Variants in EXOC4 observed in about 807,000 individuals in gnomAD.
EXOC4 encodes exocyst complex component 4.
A neutral mutation model predicts 107.2 loss-of-function variants in EXOC4; 71 were observed. The observed-to-expected ratio is 0.66, with a 90% CI of 0.55 to 0.81. The LOEUF (loss-of-function observed/expected upper bound fraction) is 0.81, where lower values mean the gene tolerates loss of function less well. EXOC4 is among the 30% of genes least tolerant of loss of function. The pLI is 0.00. For synonymous variants in EXOC4, 456 were observed against 441.2 expected (o/e 1.03, Z -0.42); for missense variants, 1,108 against 1,189.6 (o/e 0.93, Z 1.01).
intron 11 of EXOC4, among the ~76,000 whole-genome samples, chr7:133,835,837 A>G (rs944540668): frequency 2.6e-5 from 4 of 152,200 alleles, no homozygotes; most frequent in Non-Finnish European, 4.4e-5. Context: ...AATGGAAGCT[A>G]TCTTTACTCT....
chr7:133,626,846 A>T (rs2151011851), intron 9 of EXOC4, among the ~76,000 whole-genome samples: 1 of 152,270 alleles, frequency 6.6e-6, no homozygotes, highest in Non-Finnish European at 1.5e-5. Context: ...ACAAACGTTT[A>T]TTAAGCACAC....
intron 10 of EXOC4, among the ~76,000 whole-genome samples, chr7:133,782,669 C>G (rs1796492198): frequency 6.6e-6 from 1 of 152,156 alleles, no homozygotes; most frequent in Non-Finnish European, 1.5e-5. Context: ...TCCCCTGAAA[C>G]ACATCCTTTT....
chr7:134,012,960 G>C (rs1244545893), intron 17 of EXOC4, among the ~76,000 whole-genome samples: 1 of 152,202 alleles, frequency 6.6e-6, no homozygotes, highest in African/African-American at 2.4e-5. Flanking sequence ...TCAAGACAGA[G>C]AACTGGCTAC....
rs112173207 is a variant in EXOC4, at chr7:133,602,286, G to T, written c.1418-27759G>T. 9.6e-4 allele frequency among the ~76,000 whole-genome samples: 146 copies of T among 152,284 alleles called. 1 individual carries two copies. The highest frequency in any genetic ancestry group is 3.3e-3 in the African/African-American group (137 of 41,558). Reference sequence around the variant, plus strand: ...TGCAGGTAGTTCTTGTACTGGCAATGGCTTTGATTAAGCAGTGTAGTAGGG... The same window carrying T: ...TGCAGGTAGTTCTTGTACTGGCAATTGCTTTGATTAAGCAGTGTAGTAGGG... On this transcript the variant is annotated intron_variant, in intron 9 of 17. Transcript: ENST00000253861.
At chr7:133,867,605 C>A (rs937438669) in intron 11 of EXOC4, among the ~76,000 whole-genome samples, 1 of 152,184 alleles carries the variant, frequency 6.6e-6, no homozygotes, top group Non-Finnish European at 1.5e-5. Context: ...TCTCCCCACC[C>A]CCAACCCCGT....
chr7:133,653,956 A>G (rs1803225157), intron 10 of EXOC4, among the ~76,000 whole-genome samples: 1 of 152,206 alleles, frequency 6.6e-6, no homozygotes, highest in African/African-American at 2.4e-5. Flanking sequence ...AAGTCTAACT[A>G]CAATTAAGAA....
chr7:133,487,663 C>T (rs1013859206), intron 9 of EXOC4, among the ~76,000 whole-genome samples: 1 of 152,050 alleles, frequency 6.6e-6, no homozygotes, highest in African/African-American at 2.4e-5. Context: ...GAGTCAAGAT[C>T]GTACCACTGT....
intron 17 of EXOC4, among the ~76,000 whole-genome samples, chr7:134,018,054 C>T (rs1396706753): frequency 3.3e-5 from 5 of 152,136 alleles, no homozygotes; most frequent in African/African-American, 7.2e-5. Context: ...AATCTGTCAT[C>T]GAATCCTGCT....
At chr7:133,557,994 C>A (rs1458091006) in intron 9 of EXOC4, among the ~76,000 whole-genome samples, 1 of 151,876 alleles carries the variant, frequency 6.6e-6, no homozygotes, top group African/African-American at 2.4e-5. Flanking sequence ...TTCTCAAAAA[C>A]AAAAACAAAA....
At chr7:133,421,926 C>G (rs931284543) in intron 7 of EXOC4, among the ~76,000 whole-genome samples, 3 of 152,076 alleles carry the variant, frequency 2.0e-5, no homozygotes, top group Non-Finnish European at 4.4e-5. Flanking sequence ...TGCCCTGAAG[C>G]AATTTTTTAA....
At chr7:133,920,896 C>T (rs1799922340) in intron 13 of EXOC4, among the ~76,000 whole-genome samples, 1 of 152,082 alleles carries the variant, frequency 6.6e-6, no homozygotes, top group African/African-American at 2.4e-5. Context: ...TTTATTTTTT[C>T]TTCACTTAAA....
intron 13 of EXOC4, among the ~76,000 whole-genome samples, chr7:133,935,540 G>A (rs1800280138): frequency 6.6e-6 from 1 of 152,136 alleles, no homozygotes; most frequent in Non-Finnish European, 1.5e-5. Flanking sequence ...AGACGCTGTG[G>A]TTGGTATTTG....
intron 17 of EXOC4, among the ~76,000 whole-genome samples, chr7:134,037,204 CAG>C (rs1335179906): frequency 1.3e-5 from 2 of 152,102 alleles, no homozygotes; most frequent in Non-Finnish European, 2.9e-5. Context: ...TACAAGATAT[CAG>C]TGGTTTTGAC....
intron 7 of EXOC4, among the ~76,000 whole-genome samples, chr7:133,410,420 T>A (rs1797331136): frequency 6.6e-6 from 1 of 152,252 alleles, no homozygotes; most frequent in Non-Finnish European, 1.5e-5. Context: ...CTCTGCTGCG[T>A]GCATTCACAT....
At chr7:133,460,164 T>C (rs978530492) in intron 7 of EXOC4, among the ~76,000 whole-genome samples, 5 of 152,194 alleles carry the variant, frequency 3.3e-5, no homozygotes, top group Non-Finnish European at 7.4e-5. Context: ...TCATCAGATA[T>C]TAGTTAGATT....
intron 11 of EXOC4, among the ~76,000 whole-genome samples, chr7:133,831,096 C>G (rs1797800786): frequency 6.6e-6 from 1 of 152,174 alleles, no homozygotes; most frequent in Non-Finnish European, 1.5e-5. Flanking sequence ...TCCTGAGTAG[C>G]TGGGATTACA....
chr7:133,510,788 C>A (rs545205395), intron 9 of EXOC4, among the ~76,000 whole-genome samples: 4 of 152,298 alleles, frequency 2.6e-5, no homozygotes, highest in African/African-American at 9.6e-5. Flanking sequence ...TATTCATTCA[C>A]TAAGGACAGA....
intron 9 of EXOC4, among the ~76,000 whole-genome samples, chr7:133,601,607 T>C (rs545284867): frequency 3.2e-4 from 49 of 152,272 alleles, no homozygotes; most frequent in Non-Finnish European, 6.5e-4. Context: ...CCTACTTCTT[T>C]CATAGTTGGA....
chr7:133,881,826 A>G (rs17167330), intron 11 of EXOC4, among the ~76,000 whole-genome samples: 21,146 of 152,206 alleles, frequency 0.14, 1,666 homozygotes, highest in African/African-American at 0.19. Flanking sequence ...TTTTAAAAAT[A>G]TATCACAAGT....
Sources: allele counts gnomAD v4.1 joint callset (sites outside exome capture counted in the v4.1 genomes callset), GRCh38; gene constraint gnomAD v4.1.1; transcripts MANE v1.5; gene names NCBI Gene and HGNC (gene_info 2026-07-23, HGNC 2026-07-21).